PCDH15: variants seen among roughly 807,000 people sequenced by gnomAD.
PCDH15 encodes the protein protocadherin-15.
Under a neutral mutation model 178.5 loss-of-function variants are expected in PCDH15, and 129 were observed. The ratio of observed to expected loss-of-function variants is 0.72; its 90% CI spans 0.63 to 0.84. The LOEUF (loss-of-function observed/expected upper bound fraction) is 0.84, where lower values mean the gene tolerates loss of function less well. Among genes scored for constraint, PCDH15 ranks in the 40% least tolerant of loss-of-function variants. The probability of loss-of-function intolerance (pLI) is 0.00; values close to 1 mark genes in which losing one functional copy is unlikely to be tolerated. For synonymous variants in PCDH15, 800 were observed against 732.0 expected (o/e 1.09, Z -1.50); for missense variants, 2,230 against 2,099.9 (o/e 1.06, Z -1.21).
At chr10:54,381,271 C>A (rs1949206268) in intron 3 of PCDH15, among the ~76,000 whole-genome samples, 1 of 152,044 alleles carries the variant, frequency 6.6e-6, no homozygotes, top group African/African-American at 2.4e-5. Flanking sequence ...GACACCCAAG[C>A]TATAGTTAGC....
chr10:53,859,437 T>G (rs1228633512), intron 27 of PCDH15, among the ~76,000 whole-genome samples: 1 of 152,194 alleles, frequency 6.6e-6, no homozygotes, highest in Non-Finnish European at 1.5e-5. Flanking sequence ...TTGTTAGGAC[T>G]GTCTGCCCTG....
At chr10:55,225,049 C>G (rs1592001645) in intron 1 of PCDH15, among the ~76,000 whole-genome samples, 1 of 151,918 alleles carries the variant, frequency 6.6e-6, no homozygotes, top group Non-Finnish European at 1.5e-5. Context: ...AATCTTGTTT[C>G]TTGTCTTATT....
At position 55,050,811 on chromosome 10, in the gene PCDH15, A is replaced by T. The variant is rs561059704; in HGVS notation, c.-80+115765T>A. Among the ~76,000 whole-genome samples, 11 of 152,262 alleles carry T rather than the reference A, an allele frequency of 7.2e-5. No individual in the cohort carries two copies. The East Asian group carries it at 1.9e-3, about 27-fold the overall frequency. On this transcript the variant is annotated intron_variant, in intron 2 of 5. Coordinates refer to the PCDH15 transcript ENST00000458638. ...TAATTCAAGTTTGCAAGGACTTTTC[A>T]TATTGCAAATTCATGATGAAAATTC...
rs747196075 is a variant in PCDH15 at position 53,903,353 on chromosome 10, A to G, written c.3391T>C (p.Tyr1131His). The change falls in exon 26 of 38, where the codon TAC becomes CAC. Residue 1131 changes from tyrosine (Y) to histidine (H), a missense_variant. Physicochemically the swap from Tyr to His is moderately conservative, Grantham distance 83 (BLOSUM62 2). Coordinates refer to ENST00000644397, the MANE Select transcript of PCDH15 (RefSeq NM_001384140.1). ...VPSKSNTAKV[Y>H]IEIQDENNHP... Reference sequence around the variant, plus strand: ...TTATTTTCATCCTGAATCTCAATGTATACTTTAGCTGTATTGCCTGGAGGA... The same window carrying G: ...TTATTTTCATCCTGAATCTCAATGTGTACTTTAGCTGTATTGCCTGGAGGA... 5 of 1,612,992 alleles carry G rather than the reference A, an allele frequency of 3.1e-6. No individual in the cohort carries two copies. The highest frequency in any genetic ancestry group is 2.2e-5 in the South Asian group (2 of 91,070).
At chr10:55,004,930 G>A (rs1290173818) in intron 2 of PCDH15, among the ~76,000 whole-genome samples, 1 of 151,998 alleles carries the variant, frequency 6.6e-6, no homozygotes, top group East Asian at 1.9e-4. Context: ...ACATCAGAAT[G>A]GGTAGTAAAA....
chr10:54,219,383 G>A (rs916422271), intron 9 of PCDH15, among the ~76,000 whole-genome samples: 3 of 150,346 alleles, frequency 2.0e-5, no homozygotes, highest in Admixed American at 6.6e-5. Flanking sequence ...CAGGTCAGGA[G>A]ATCGAGACCA....
In PCDH15 at chr10:54,902,930, C is replaced by T. The variant is rs75414626; in HGVS notation, c.-79-5430G>A. On this transcript the variant is annotated intron_variant, in intron 2 of 5. Transcript: ENST00000458638. ...ACTTGGGCAAGCTGCTTCATCTCCTCGGGTTACAGGTTTTTCTTTCCTAAT... is the reference window on the plus strand; with the variant it reads ...ACTTGGGCAAGCTGCTTCATCTCCTTGGGTTACAGGTTTTTCTTTCCTAAT... Among the ~76,000 whole-genome samples the T allele has an allele frequency of 9.8e-3, 1,499 of 152,204 alleles. 19 individuals carry two copies. Among genetic ancestry groups the T allele is most frequent in the African/African-American group, 0.034 (1,394 of 41,532 alleles).
intron 2 of PCDH15, among the ~76,000 whole-genome samples, chr10:54,935,094 G>T (rs932536233): frequency 5.3e-5 from 8 of 150,316 alleles, no homozygotes; most frequent in Admixed American, 1.3e-4. Context: ...GTGTGGGGAG[G>T]GGGGAGGGAT....
intron 2 of PCDH15, among the ~76,000 whole-genome samples, chr10:54,983,458 T>C (rs1406488592): frequency 6.6e-6 from 1 of 152,138 alleles, no homozygotes; most frequent in African/African-American, 2.4e-5. Flanking sequence ...ACTCACAATT[T>C]TGTACTACAT....
chr10:54,013,115 T>C (rs543608652), intron 20 of PCDH15, among the ~76,000 whole-genome samples: 31 of 150,054 alleles, frequency 2.1e-4, no homozygotes, highest in African/African-American at 7.6e-4. Context: ...CTATCCAAAT[T>C]TCAGACAAAA....
At position 54,348,404 on chromosome 10, in the gene PCDH15, C is replaced by T. The variant is rs1943657146; in HGVS notation, c.475-1920G>A. ...TAGTACCTATGAGGACATCGAGGGA[C>T]CACTGGGGATAGATTTAGTAGAAAT... On this transcript the variant is annotated intron_variant, in intron 5 of 37. Coordinates refer to ENST00000644397, the MANE Select transcript of PCDH15 (RefSeq NM_001384140.1). 3.9e-5 allele frequency among the ~76,000 whole-genome samples: 6 copies of T among 152,036 alleles called. No individual in the cohort carries two copies. In the South Asian group the frequency reaches 1.2e-3, roughly 32 times the overall value.
At chr10:53,839,851 C>T (rs900119085) in intron 29 of PCDH15, among the ~76,000 whole-genome samples, 2 of 152,086 alleles carry the variant, frequency 1.3e-5, no homozygotes, top group Non-Finnish European at 2.9e-5. Context: ...ATGATTATCC[C>T]ACCTGCTCTC....
chr10:55,284,991 A>C (rs1332423001), intron 1 of PCDH15, among the ~76,000 whole-genome samples: 1 of 151,730 alleles, frequency 6.6e-6, no homozygotes, highest in Non-Finnish European at 1.5e-5. Flanking sequence ...AAGTAGGGGA[A>C]GTGAGATCGC....
chr10:54,055,810 G>T (rs188021167), intron 18 of PCDH15, among the ~76,000 whole-genome samples: 46 of 152,286 alleles, frequency 3.0e-4, no homozygotes, highest in African/African-American at 1.1e-3. Flanking sequence ...TTTTTCTCAT[G>T]ATCATGTATC....
At chr10:54,900,195 T>TA (rs1325944946) in intron 2 of PCDH15, among the ~76,000 whole-genome samples, 3 of 152,198 alleles carry the variant, frequency 2.0e-5, no homozygotes, top group Admixed American at 2.0e-4. Flanking sequence ...AACACATTTT[T>TA]AAAAGTCTTT....
At chr10:54,637,170 T>C (rs2093875886) in intron 2 of PCDH15, among the ~76,000 whole-genome samples, 1 of 151,674 alleles carries the variant, frequency 6.6e-6, no homozygotes, top group South Asian at 2.1e-4. Flanking sequence ...TGAAGAATGA[T>C]TTAGTTACCT....
chr10:54,751,719 G>T (rs1946251336), intron 1 of PCDH15, among the ~76,000 whole-genome samples: 1 of 151,952 alleles, frequency 6.6e-6, no homozygotes. Context: ...TTTTCCAAAT[G>T]TTTATGTTTC....
At chr10:55,044,835 G>C (rs1840957852) in intron 2 of PCDH15, among the ~76,000 whole-genome samples, 1 of 152,036 alleles carries the variant, frequency 6.6e-6, no homozygotes, top group South Asian at 2.1e-4. Flanking sequence ...TAGAAACATA[G>C]GGAATGAGCA....
At chr10:54,424,276 C>T (rs1955946343) in intron 3 of PCDH15, among the ~76,000 whole-genome samples, 1 of 151,812 alleles carries the variant, frequency 6.6e-6, no homozygotes, top group Non-Finnish European at 1.5e-5. Flanking sequence ...CATCACTGGC[C>T]ATCAGAGAAA....
Sources: allele counts gnomAD v4.1 joint callset (sites outside exome capture counted in the v4.1 genomes callset), GRCh38; gene constraint gnomAD v4.1.1; transcripts MANE v1.5; gene names NCBI Gene and HGNC (gene_info 2026-07-23, HGNC 2026-07-21).